Variants in TTC28 observed in about 807,000 individuals in gnomAD.
The protein encoded by TTC28 is tetratricopeptide repeat protein 28.
A neutral mutation model predicts 198.0 loss-of-function variants in TTC28; 61 were observed. The observed-to-expected ratio is 0.31, with a 90% CI of 0.25 to 0.38. The LOEUF is 0.38. Ranked by LOEUF, TTC28 falls within the 10% of genes least tolerant of loss-of-function variation. The pLI, the probability that TTC28 is intolerant of heterozygous loss-of-function variation, is 1.00. For synonymous variants in TTC28, 1,171 were observed against 1,297.8 expected, an observed-to-expected ratio of 0.90 and a Z score of 2.10; for missense variants, 2,678 against 3,164.0, an observed-to-expected ratio of 0.85 and a Z score of 3.69.
At chr22:28,038,273 A>G (rs946210099) in intron 12 of TTC28, among the ~76,000 whole-genome samples, 9 of 152,234 alleles carry the variant, frequency 5.9e-5, no homozygotes, top group South Asian at 2.1e-4. Context: ...AAACTATACT[A>G]CAAGGCTACA....
At chr22:28,290,802 C>T (rs1420733223) in intron 5 of TTC28, among the ~76,000 whole-genome samples, 2 of 151,960 alleles carry the variant, frequency 1.3e-5, no homozygotes, top group African/African-American at 4.8e-5. Context: ...GTCTCAGCTA[C>T]TTGGGAGGCT....
intron 2 of TTC28, among the ~76,000 whole-genome samples, chr22:28,570,967 C>A (rs2050049604): frequency 6.6e-6 from 1 of 152,012 alleles, no homozygotes; most frequent in Non-Finnish European, 1.5e-5. Context: ...ATTTAAGAAA[C>A]AAATAAGGAA....
At chr22:28,548,725 T>C (rs2049595086) in intron 2 of TTC28, among the ~76,000 whole-genome samples, 1 of 152,248 alleles carries the variant, frequency 6.6e-6, no homozygotes, top group Non-Finnish European at 1.5e-5. Flanking sequence ...AAACACCACC[T>C]ATCAATCCAG....
At chr22:28,258,619 C>T (rs950573970) in intron 5 of TTC28, among the ~76,000 whole-genome samples, 7 of 151,994 alleles carry the variant, frequency 4.6e-5, no homozygotes, top group Non-Finnish European at 1.0e-4. Flanking sequence ...GAAATGCCTG[C>T]AAATAAACGG....
At chr22:28,165,826 C>T (rs1921865508) in intron 5 of TTC28, among the ~76,000 whole-genome samples, 1 of 152,178 alleles carries the variant, frequency 6.6e-6, no homozygotes, top group Non-Finnish European at 1.5e-5. Context: ...TCACACATAA[C>T]AATATGAACC....
intron 2 of TTC28, among the ~76,000 whole-genome samples, chr22:28,329,066 G>T (rs954211860): frequency 1.3e-5 from 2 of 152,022 alleles, no homozygotes; most frequent in African/African-American, 2.4e-5. Context: ...TCTCAGGGTA[G>T]ATTGGTTCAA....
At chr22:28,233,591 T>C (rs941316622) in intron 5 of TTC28, among the ~76,000 whole-genome samples, 4 of 152,198 alleles carry the variant, frequency 2.6e-5, no homozygotes, top group African/African-American at 9.7e-5. Context: ...CTTCAGACAT[T>C]ACAGACTCAC....
intron 6 of TTC28, among the ~76,000 whole-genome samples, chr22:28,121,180 C>T (rs1298876724): frequency 2.0e-5 from 3 of 152,164 alleles, no homozygotes; most frequent in Non-Finnish European, 4.4e-5. Flanking sequence ...CTCTTGTAAT[C>T]CACTTTAAAT....
chr22:28,341,321 T>C (rs1431448267), intron 2 of TTC28, among the ~76,000 whole-genome samples: 1 of 152,210 alleles, frequency 6.6e-6, no homozygotes, highest in Non-Finnish European at 1.5e-5. Context: ...CTGATTCTTT[T>C]CTTACAAGCT....
Position 28,380,134 on chromosome 22 carries a change from T to C in TTC28, c.382-73491A>G, listed in dbSNP as rs528677384. Among the ~76,000 whole-genome samples, 4 of 149,492 alleles carry C rather than the reference T, an allele frequency of 2.7e-5. No individual in the cohort carries two copies. In the South Asian group the frequency reaches 8.3e-4, roughly 31 times the overall value. On this transcript the variant is annotated intron_variant, in intron 2 of 22. Coordinates refer to ENST00000397906, the MANE Select transcript of TTC28 (RefSeq NM_001145418.2). ...TTGCAACATTTCTGTAAATCTAGTA[T>C]TATTTCAAAATAAAAAGCTCAAAAA...
At chr22:28,546,385 G>A (rs915128939) in intron 2 of TTC28, among the ~76,000 whole-genome samples, 1 of 152,190 alleles carries the variant, frequency 6.6e-6, no homozygotes, top group Non-Finnish European at 1.5e-5. Flanking sequence ...GGCGGGGGTT[G>A]CAGTGAGCCG....
intron 5 of TTC28, among the ~76,000 whole-genome samples, chr22:28,218,497 T>C (rs942064491): frequency 1.1e-4 from 16 of 152,064 alleles, no homozygotes; most frequent in South Asian, 6.2e-4. Context: ...TTTTCACTCA[T>C]TCAGTTTTGA....
intron 5 of TTC28, among the ~76,000 whole-genome samples, chr22:28,235,122 G>C (rs192895359): frequency 6.6e-6 from 1 of 152,206 alleles, no homozygotes; most frequent in East Asian, 1.9e-4. Context: ...AGAGTCACAA[G>C]AAATGTCAGT....
At chr22:28,571,282 A>G (rs2050056510) in intron 2 of TTC28, among the ~76,000 whole-genome samples, 1 of 152,238 alleles carries the variant, frequency 6.6e-6, no homozygotes, top group East Asian at 1.9e-4. Flanking sequence ...GTGTATATCT[A>G]TTCTCACAGA....
chr22:28,441,895 A>C (rs2047628130), intron 2 of TTC28, among the ~76,000 whole-genome samples: 1 of 151,718 alleles, frequency 6.6e-6, no homozygotes, highest in Admixed American at 6.6e-5. Flanking sequence ...TTTAAAAAAA[A>C]AAAAAAAAAA....
intron 5 of TTC28, among the ~76,000 whole-genome samples, chr22:28,176,670 T>C (rs1173772182): frequency 1.3e-5 from 2 of 152,190 alleles, no homozygotes; most frequent in South Asian, 2.1e-4. Flanking sequence ...AAACATCAAA[T>C]TGTACACCAT....
At chr22:28,543,933 C>A (rs967052237) in intron 2 of TTC28, among the ~76,000 whole-genome samples, 1 of 152,104 alleles carries the variant, frequency 6.6e-6, no homozygotes, top group South Asian at 2.1e-4. Context: ...GTTAAACAAA[C>A]CTTGTGGCTG....
intron 5 of TTC28, among the ~76,000 whole-genome samples, chr22:28,253,798 A>C (rs1333393770): frequency 6.6e-6 from 1 of 152,200 alleles, no homozygotes; most frequent in Non-Finnish European, 1.5e-5. Flanking sequence ...TGATGGTATC[A>C]TTAAGCAATA....
intron 3 of TTC28, among the ~76,000 whole-genome samples, chr22:28,298,145 T>G (rs762718071): frequency 6.6e-6 from 1 of 152,178 alleles, no homozygotes; most frequent in East Asian, 1.9e-4. Flanking sequence ...TCCTCTGTCC[T>G]GTTCCCCTCT....
Sources: gnomAD v4.1 joint callset for allele counts (sites outside exome capture counted in the v4.1 genomes callset) on GRCh38, gnomAD v4.1.1 for gene constraint, MANE v1.5 for transcripts, NCBI Gene and HGNC (gene_info 2026-07-23, HGNC 2026-07-21) for gene names.